Variants in ATP8A2 observed in about 807,000 individuals in gnomAD.
The protein encoded by ATP8A2 is phospholipid-transporting ATPase IB.
ATP8A2 carries 100 observed loss-of-function variants against 165.6 expected under a neutral mutation model. The ratio of observed to expected loss-of-function variants is 0.60; its 90% CI spans 0.51 to 0.71. The LOEUF is 0.71. Among genes scored for constraint, ATP8A2 ranks in the 30% least tolerant of loss-of-function variants. ATP8A2 has a pLI of 0.00. For synonymous variants in ATP8A2, 543 were observed against 548.8 expected (o/e 0.99, Z 0.15); for missense variants, 1,227 against 1,479.5 (o/e 0.83, Z 2.80).
At chr13:25,599,763 T>C (rs377131256) in intron 24 of ATP8A2, among the ~76,000 whole-genome samples, 1 of 152,316 alleles carries the variant, frequency 6.6e-6, no homozygotes, top group African/African-American at 2.4e-5. Context: ...ATGACTGCAA[T>C]GGCAAGGAAA....
chr13:25,697,527 T>A (rs185725570), intron 24 of ATP8A2, among the ~76,000 whole-genome samples: 44 of 152,284 alleles, frequency 2.9e-4, no homozygotes, highest in African/African-American at 9.9e-4. Context: ...GTGATCCACC[T>A]GCCTCGGCCT....
intron 35 of ATP8A2, among the ~76,000 whole-genome samples, chr13:25,985,540 TG>T (rs1956264616): frequency 1.3e-5 from 2 of 152,342 alleles, no homozygotes; most frequent in African/African-American, 2.4e-5. Flanking sequence ...AACGTCCCGC[TG>T]GGGGGCAGTC....
intron 33 of ATP8A2, among the ~76,000 whole-genome samples, chr13:25,916,796 G>T (rs1954280555): frequency 6.6e-6 from 1 of 150,376 alleles, no homozygotes; most frequent in African/African-American, 2.5e-5. Flanking sequence ...ACTCTGAACA[G>T]AGTGTTACAC....
At chr13:25,740,456 G>A (rs950005300) in intron 25 of ATP8A2, among the ~76,000 whole-genome samples, 1 of 152,118 alleles carries the variant, frequency 6.6e-6, no homozygotes, top group African/African-American at 2.4e-5. Flanking sequence ...ATAACAACAG[G>A]GAGTGTGGGA....
intron 27 of ATP8A2, among the ~76,000 whole-genome samples, chr13:25,801,742 A>G (rs1950626285): frequency 6.6e-6 from 1 of 152,194 alleles, no homozygotes; most frequent in South Asian, 2.1e-4. Context: ...TCACACTGCT[A>G]ATAAAGAACT....
chr13:25,829,739 A>C (rs1951417738), intron 28 of ATP8A2, among the ~76,000 whole-genome samples: 1 of 116,704 alleles, frequency 8.6e-6, no homozygotes. Context: ...TTATAGTATG[A>C]GTGGATTTTA....
At chr13:25,783,204 CA>C (rs1243974752) in intron 27 of ATP8A2, among the ~76,000 whole-genome samples, 1 of 152,140 alleles carries the variant, frequency 6.6e-6, no homozygotes, top group Non-Finnish European at 1.5e-5. Flanking sequence ...TCTGCATGCA[CA>C]GGCCTGGTGC....
At chr13:25,886,917 C>T (rs1953177867) in intron 33 of ATP8A2, among the ~76,000 whole-genome samples, 1 of 152,174 alleles carries the variant, frequency 6.6e-6, no homozygotes, top group Admixed American at 6.5e-5. Context: ...AAGGGGTAAT[C>T]AGCTCAGGCA....
chr13:25,712,763 A>G (rs1192241723), intron 25 of ATP8A2, among the ~76,000 whole-genome samples: 1 of 152,240 alleles, frequency 6.6e-6, no homozygotes, highest in Non-Finnish European at 1.5e-5. Flanking sequence ...GGAGTTTTCT[A>G]GTAAACTGAA....
chr13:25,996,550 A>C (rs1956508741), intron 35 of ATP8A2, among the ~76,000 whole-genome samples: 2 of 151,912 alleles, frequency 1.3e-5, no homozygotes, highest in South Asian at 4.2e-4. Context: ...TTTGAGATGG[A>C]GTCTTACTCT....
chr13:25,562,611 G>T (rs1013279876), intron 15 of ATP8A2, among the ~76,000 whole-genome samples: 1 of 152,172 alleles, frequency 6.6e-6, no homozygotes, highest in African/African-American at 2.4e-5. Context: ...CCTGCCAAGG[G>T]CTATAAATTT....
At chr13:25,744,925 T>TTTTTC (rs376668495) in intron 25 of ATP8A2, among the ~76,000 whole-genome samples, 116 of 151,654 alleles carry the variant, frequency 7.6e-4, no homozygotes, top group East Asian at 3.1e-3. Context: ...AGGGGCCCAG[T>TTTTTC]TTTTCTTTTC....
chr13:26,005,705 G>C (rs1287801032), intron 35 of ATP8A2, among the ~76,000 whole-genome samples: 1 of 151,948 alleles, frequency 6.6e-6, no homozygotes, highest in Non-Finnish European at 1.5e-5. Context: ...GTGGTGGGAA[G>C]GGCCCAATTC....
At chr13:25,772,392 G>A (rs9553658) in intron 26 of ATP8A2, among the ~76,000 whole-genome samples, 13 of 151,872 alleles carry the variant, frequency 8.6e-5, no homozygotes, top group Admixed American at 2.6e-4. Context: ...AGGGGGTCCC[G>A]GTCAAATACA....
At chr13:25,807,598 T>C (rs1566158472) in intron 27 of ATP8A2, among the ~76,000 whole-genome samples, 2 of 152,216 alleles carry the variant, frequency 1.3e-5, no homozygotes, top group East Asian at 1.9e-4. Flanking sequence ...ATTAATCCAG[T>C]GTGAGTAATT....
chr13:25,853,390 A>AT (rs1491311873), intron 30 of ATP8A2, among the ~76,000 whole-genome samples: 2 of 4,562 alleles, frequency 4.4e-4, no homozygotes, highest in Non-Finnish European at 2.2e-3. Flanking sequence ...GACTCTATCT[A>AT]AAAAAAATAT....
At chr13:25,896,569 T>C (rs1481255656) in intron 33 of ATP8A2, among the ~76,000 whole-genome samples, 1 of 152,186 alleles carries the variant, frequency 6.6e-6, no homozygotes, top group Non-Finnish European at 1.5e-5. Flanking sequence ...CAGAGCTGAG[T>C]TCAATTCCTG....
chr13:25,786,752 A>G (rs997735120), intron 27 of ATP8A2, among the ~76,000 whole-genome samples: 3 of 100,072 alleles, frequency 3.0e-5, no homozygotes, highest in Non-Finnish European at 6.0e-5. Flanking sequence ...GCACAATTCT[A>G]TGTTTTTTTT....
intron 35 of ATP8A2, among the ~76,000 whole-genome samples, chr13:25,969,746 C>T (rs1955871976): frequency 6.6e-6 from 1 of 152,168 alleles, no homozygotes; most frequent in Admixed American, 6.5e-5. Context: ...GTTTATTAAG[C>T]ATTCATTTTA....
Sources: gnomAD v4.1 joint callset for allele counts (sites outside exome capture counted in the v4.1 genomes callset) on GRCh38, gnomAD v4.1.1 for gene constraint, MANE v1.5 for transcripts, NCBI Gene and HGNC (gene_info 2026-07-23, HGNC 2026-07-21) for gene names.